PRH2: variants seen among roughly 807,000 people sequenced by gnomAD.
PRH2 encodes proline rich protein HaeIII subfamily 2, also known as salivary acidic proline-rich phosphoprotein 1/2.
Under a neutral mutation model 22.6 loss-of-function variants are expected in PRH2, and 19 were observed. That is an observed-to-expected ratio of 0.84 (90% confidence interval 0.59 to 1.23). PRH2 has a LOEUF of 1.23. Among genes scored for constraint, PRH2 ranks in the 50% most tolerant of loss-of-function variants. The pLI, the probability that PRH2 is intolerant of heterozygous loss-of-function variation, is 0.00. For synonymous variants in PRH2, 45 were observed against 72.0 expected (o/e 0.63, Z 1.90); for missense variants, 109 against 203.0 (o/e 0.54, Z 2.81).
rs556347684 is a variant in PRH2, at chr12:10,934,379, C to T, written c.*2172C>T. On this transcript the variant is annotated 3_prime_UTR_variant, in exon 4 of 4. Transcript: ENST00000396400. The stretch of plus-strand genomic sequence containing the variant: ...GGAGATAGTCAAAGCTGTGAGGATT[C>T]GAAGATCTCTTTCACATCTTGACCC... Among the ~76,000 whole-genome samples, 5 of 152,184 alleles carry T rather than the reference C, an allele frequency of 3.3e-5. No individual in the cohort carries two copies. Among genetic ancestry groups the T allele is most frequent in the Admixed American group, 2.0e-4 (3 of 15,286 alleles).
At chr12:10,930,335 G>A (rs1950186312) in intron 2 of PRH2, 31 bp downstream of exon 2, 2 of 1,601,928 alleles carry the variant, frequency 1.2e-6, no homozygotes, top group Admixed American at 1.7e-5. Flanking sequence ...AGTAAACTCT[G>A]TCTCCATTTT....
chr12:10,930,560 G>A (rs1198567683), intron 2 of PRH2, 102 bp from the exon 3 acceptor site: 9 of 1,562,488 alleles, frequency 5.8e-6, no homozygotes, highest in Non-Finnish European at 6.9e-6. Context: ...TTGAGAGGCA[G>A]GTCAGGGAGA....
At position 10,930,312 on chromosome 12, in the gene PRH2, C is replaced by G; in HGVS notation, c.100+8C>G. The G allele has an allele frequency of 6.2e-7, 1 of 1,609,930 alleles. No individual in the cohort carries two copies. Among genetic ancestry groups the G allele is most frequent in the East Asian group, 2.2e-5 (1 of 44,856 alleles). ...TTCCCTTGGTAATATCAGGTAAATC[C>G]CAATAAATTCTCAGTAAACTCTGTC... On this transcript the variant is annotated splice_region_variant and intron_variant, in intron 2 of 3. Transcript: ENST00000396400.
At chr12:10,932,012 G>A (rs957060746) in intron 3 of PRH2, among the ~76,000 whole-genome samples, 6 of 152,098 alleles carry the variant, frequency 3.9e-5, no homozygotes, top group East Asian at 1.9e-4. Flanking sequence ...AACAATAATC[G>A]TTTTTCGTCC....
At chr12:10,929,416 AAG>A in intron 1 of PRH2, 79 bp downstream of exon 1, 1 of 1,564,634 alleles carries the variant, frequency 6.4e-7, no homozygotes, top group South Asian at 1.1e-5. Context: ...AAGTGGAGGG[AAG>A]AGAGGAGGAT....
intron 3 of PRH2, among the ~76,000 whole-genome samples, 173 bp from the exon 4 acceptor site, chr12:10,932,053 G>A (rs1471496380): frequency 1.3e-5 from 2 of 152,148 alleles, no homozygotes; most frequent in Admixed American, 1.3e-4. Flanking sequence ...AGCACATTAC[G>A]TGCAATGGCA....
intron 3 of PRH2, among the ~76,000 whole-genome samples, chr12:10,931,370 T>C (rs1412932534): frequency 2.0e-5 from 3 of 152,166 alleles, no homozygotes; most frequent in Non-Finnish European, 4.4e-5. Flanking sequence ...TTTCCTTTCC[T>C]CAAACTCAAA....
At position 10,934,089 on chromosome 12, in the gene PRH2, A is replaced by C. The variant is rs940203957; in HGVS notation, c.*1882A>C. On this transcript the variant is annotated 3_prime_UTR_variant, in exon 4 of 4. Coordinates refer to ENST00000396400, the MANE Select transcript of PRH2 (RefSeq NM_001110213.1). Reference sequence around the variant, plus strand: ...GACCAGCTAGTAAATATAATAAGAAAATGATTATTCACAAAGGAACCAAAA... The same window carrying C: ...GACCAGCTAGTAAATATAATAAGAACATGATTATTCACAAAGGAACCAAAA... Among the ~76,000 whole-genome samples the C allele has an allele frequency of 2.0e-5, 3 of 152,162 alleles. No homozygotes were observed. Among genetic ancestry groups the C allele is most frequent in the Non-Finnish European group, 4.4e-5 (3 of 67,992 alleles).
At chr12:10,930,545 G>A (rs1202720739) in intron 2 of PRH2, 117 bp from the exon 3 acceptor site, 1 of 1,536,762 alleles carries the variant, frequency 6.5e-7, no homozygotes, top group South Asian at 1.3e-5. Context: ...GGGGGAGGTT[G>A]GGAGTTGAGA....
At position 10,929,401 on chromosome 12, in the gene PRH2, G is replaced by A. The variant is rs749253372; in HGVS notation, c.64+64G>A. The A allele has an allele frequency of 3.1e-6, 5 of 1,596,826 alleles. No homozygotes were observed. The Admixed American group carries it at 6.7e-5, about 21-fold the overall frequency. On this transcript the variant is annotated intron_variant, in intron 1 of 3. Transcript: ENST00000396400. ...GGGTTTACGGGCGAATGCTATAGAG[G>A]GGGAAAGTGGAGGGAAGAGAGGAGG...
Position 10,933,379 on chromosome 12 carries a change from G to GT in PRH2, c.*1173dup, listed in dbSNP as rs1395883578. 6.6e-6 allele frequency among the ~76,000 whole-genome samples: 1 copy of GT among 151,912 alleles called. No individual in the cohort carries two copies. The highest frequency in any genetic ancestry group is 1.5e-5 in the Non-Finnish European group (1 of 67,926). ...TTCCTCATTAACAGGCAGTCCTTTAGTATGCTGATTTATACAAAATGCTGA... is the reference window on the plus strand; with the variant it reads ...TTCCTCATTAACAGGCAGTCCTTTAGTTATGCTGATTTATACAAAATGCTGA... On this transcript the variant is annotated 3_prime_UTR_variant, in exon 4 of 4. Coordinates refer to ENST00000396400, the MANE Select transcript of PRH2 (RefSeq NM_001110213.1).
chr12:10,929,655 C>A (rs3851582), intron 1 of PRH2, among the ~76,000 whole-genome samples: 2,299 of 152,248 alleles, frequency 0.015, 21 homozygotes, highest in South Asian at 0.031. Flanking sequence ...CTGTGAAGAT[C>A]CTATACTGAT....
rs1010809357 is a variant in PRH2, at chr12:10,933,970, A to G, written c.*1763A>G. ...ACAAGAGATTCTACTCAGGTAAAAA[A>G]GGAAAGGAAGGAAAACCATTGTAAT... is the stretch of plus-strand genomic sequence containing the variant. On this transcript the variant is annotated 3_prime_UTR_variant, in exon 4 of 4. Coordinates refer to ENST00000396400, the MANE Select transcript of PRH2 (RefSeq NM_001110213.1). 1.3e-5 allele frequency among the ~76,000 whole-genome samples: 2 copies of G among 152,176 alleles called. No homozygotes were observed. The highest frequency in any genetic ancestry group is 4.8e-5 in the African/African-American group (2 of 41,460).
At position 10,930,579 on chromosome 12, in the gene PRH2, G is replaced by C. The variant is rs181661214; in HGVS notation, c.101-83G>C. The stretch of plus-strand genomic sequence containing the variant: ...GAGGCAGGTCAGGGAGAGAGGGGCC[G>C]GCCGTGTGGTGAAGACAGAGAGATA... On this transcript the variant is annotated intron_variant, in intron 2 of 3. Transcript: ENST00000396400. 5.8e-5 allele frequency: 92 copies of C among 1,577,768 alleles called. No individual in the cohort carries two copies. The Middle Eastern group carries it at 1.0e-3, about 18-fold the overall frequency.
rs186933151 is a variant in PRH2, at chr12:10,933,989, T to C, written c.*1782T>C. ...TAAAAAAGGAAAGGAAGGAAAACCA[T>C]TGTAATTAAAATAAAATTTAATACA... On this transcript the variant is annotated 3_prime_UTR_variant, in exon 4 of 4. Transcript: ENST00000396400. Among the ~76,000 whole-genome samples the C allele has an allele frequency of 3.3e-5, 5 of 152,270 alleles. No homozygotes were observed. Among genetic ancestry groups the C allele is most frequent in the East Asian group, 1.9e-4 (1 of 5,184 alleles).
Position 10,930,698 on chromosome 12 carries a change from G to T in PRH2, c.137G>T (p.Arg46Leu). ...GDSEQFIDEERQGPPLGGQQS... is the reference protein window; with the variant it reads ...GDSEQFIDEELQGPPLGGQQS... ...TCTGAGCAGTTCATAGATGAGGAGC[G>T]TCAGGGACCACCTTTGGGAGGACAG... Residue 46 changes from arginine (R) to leucine (L), a missense_variant, in exon 3 of 4, where the codon CGT becomes CTT. This residue lies in a region of PRH2 where 54 missense variants were observed against 60.5 expected (regional missense o/e 0.89). Coordinates refer to ENST00000396400, the MANE Select transcript of PRH2 (RefSeq NM_001110213.1). 1.9e-6 allele frequency: 3 copies of T among 1,613,858 alleles called. No individual in the cohort carries two copies. The highest frequency in any genetic ancestry group is 2.5e-6 in the Non-Finnish European group (3 of 1,179,838).
intron 1 of PRH2, among the ~76,000 whole-genome samples, chr12:10,929,827 T>C (rs1950177680): frequency 6.6e-6 from 1 of 152,132 alleles, no homozygotes; most frequent in Admixed American, 6.6e-5. Flanking sequence ...TTGTCATTTT[T>C]TTCTCTCCTG....
In PRH2 at chr12:10,929,456, T is replaced by C. The variant is rs943975191; in HGVS notation, c.64+119T>C. The C allele has an allele frequency of 3.2e-6, 4 of 1,262,022 alleles. No individual in the cohort carries two copies. In the East Asian group the frequency reaches 7.2e-5, roughly 23 times the overall value. 78.2% of individuals were successfully genotyped at this position (1,262,022 alleles called of 1,614,324 possible). A position where few individuals can be genotyped will look rare whatever the true frequency, so the allele number is the denominator to read the frequency against. On this transcript the variant is annotated intron_variant, in intron 1 of 3. Coordinates refer to ENST00000396400, the MANE Select transcript of PRH2 (RefSeq NM_001110213.1). ...GAAAACAGATAGGACTGAAGAGTTC[T>C]CATGCCAAGGATCAGAAGACCTGTT...
In PRH2 at chr12:10,934,337, G is replaced by A. The variant is rs1004912984; in HGVS notation, c.*2130G>A. Among the ~76,000 whole-genome samples, 5 of 152,036 alleles carry A rather than the reference G, an allele frequency of 3.3e-5. No individual in the cohort carries two copies. Among genetic ancestry groups the A allele is most frequent in the African/African-American group, 4.8e-5 (2 of 41,396 alleles). On this transcript the variant is annotated 3_prime_UTR_variant, in exon 4 of 4. Coordinates refer to ENST00000396400, the MANE Select transcript of PRH2 (RefSeq NM_001110213.1). ...TATAAACCATCTCACCATTATTACC[G>A]AAATCAGACAAATTCTGGAGATAGT...
Sources: allele counts gnomAD v4.1 joint callset (sites outside exome capture counted in the v4.1 genomes callset), GRCh38; gene constraint gnomAD v4.1.1; regional missense constraint gnomAD v4.1.1; transcripts MANE v1.5; gene names NCBI Gene and HGNC (gene_info 2026-07-23, HGNC 2026-07-21).